The following ESR1 variants were observed in gnomAD, a reference collection of about 807,000 sequenced individuals.
ESR1 encodes estrogen receptor 1, also known as estrogen receptor.
ESR1 carries 12 observed loss-of-function variants against 52.7 expected under a neutral mutation model. That is an observed-to-expected ratio of 0.23 (90% CI 0.15 to 0.37). The LOEUF (loss-of-function observed/expected upper bound fraction) is 0.37, where lower values mean the gene tolerates loss of function less well. Among genes scored for constraint, ESR1 ranks in the 10% least tolerant of loss-of-function variants. ESR1 has a pLI of 1.00. For missense variants in ESR1, 584 were observed against 779.7 expected (o/e 0.75, Z 2.99); for synonymous variants, 305 against 316.8 (o/e 0.96, Z 0.39).
chr6:151,700,077 GAAA>G (rs71681730), intron 1 of ESR1, among the ~76,000 whole-genome samples: 1 of 126,916 alleles, frequency 7.9e-6, no homozygotes, highest in East Asian at 2.1e-4. Context: ...GAGGACAAGT[GAAA>G]AAAAAAAAAA....
At chr6:151,729,903 C>T (rs1053578111) in intron 2 of ESR1, among the ~76,000 whole-genome samples, 2 of 151,986 alleles carry the variant, frequency 1.3e-5, no homozygotes, top group African/African-American at 4.8e-5. Flanking sequence ...GCCTGGGCAA[C>T]ATAGTGAGAC....
chr6:151,713,166 C>G (rs990939848), intron 2 of ESR1, among the ~76,000 whole-genome samples: 2 of 152,074 alleles, frequency 1.3e-5, no homozygotes, highest in African/African-American at 2.4e-5. Context: ...GTTGAACCAG[C>G]CTTGCATCCC....
chr6:152,067,454 G>C (rs2048050271), intron 6 of ESR1, among the ~76,000 whole-genome samples: 1 of 152,196 alleles, frequency 6.6e-6, no homozygotes, highest in South Asian at 2.1e-4. Context: ...ACCAACAAAG[G>C]AGAATGCCAT....
Position 152,099,263 on chromosome 6 carries a change from T to G in ESR1, c.*297T>G, listed in dbSNP as rs1040382623. On this transcript the variant is annotated 3_prime_UTR_variant, in exon 8 of 8. Coordinates refer to ENST00000206249, the MANE Select transcript of ESR1 (RefSeq NM_000125.4). Reference sequence around the variant, plus strand: ...GCTCTTCACAGCTGAACTCAGTCTATGGGTTGGGGCTCAGATAACTCTGTG... The same window carrying G: ...GCTCTTCACAGCTGAACTCAGTCTAGGGGTTGGGGCTCAGATAACTCTGTG... 5.2e-5 allele frequency: 25 copies of G among 484,190 alleles called. No homozygotes were observed. Among genetic ancestry groups the G allele is most frequent in the Non-Finnish European group, 1.5e-5 (4 of 262,278 alleles). The allele number at this position is 484,190 out of a possible 1,614,324, so 30.0% of individuals were successfully genotyped here. A position where few individuals can be genotyped will look rare whatever the true frequency, so the allele number is the denominator to read the frequency against.
At chr6:151,933,764 A>G (rs1423016087) in intron 3 of ESR1, among the ~76,000 whole-genome samples, 1 of 152,274 alleles carries the variant, frequency 6.6e-6, no homozygotes, top group South Asian at 2.1e-4. Flanking sequence ...ACAATTGTTT[A>G]TCTCTTTCCT....
At chr6:151,963,780 A>G (rs1404066716) in intron 4 of ESR1, among the ~76,000 whole-genome samples, 3 of 152,172 alleles carry the variant, frequency 2.0e-5, no homozygotes, top group Non-Finnish European at 4.4e-5. Context: ...CATTTCTCCT[A>G]TGTTTTCTTC....
intron 3 of ESR1, among the ~76,000 whole-genome samples, chr6:151,908,876 A>ATTT (rs397754522): frequency 7.6e-5 from 11 of 144,740 alleles, no homozygotes; most frequent in African/African-American, 2.8e-4. Context: ...GTTTAAAGCA[A>ATTT]TTTTTTTTTT....
At chr6:151,795,348 G>A (rs1251599971) in intron 2 of ESR1, among the ~76,000 whole-genome samples, 1 of 151,998 alleles carries the variant, frequency 6.6e-6, no homozygotes, top group Admixed American at 6.6e-5. Flanking sequence ...TTAGCTGGGT[G>A]TGGTGGTGCA....
chr6:152,029,973 TG>T, intron 5 of ESR1, among the ~76,000 whole-genome samples: 1 of 152,090 alleles, frequency 6.6e-6, no homozygotes, highest in African/African-American at 2.4e-5. Flanking sequence ...CAGAAGAGAG[TG>T]GGGGCCGATA....
chr6:151,657,840 T>C (rs2115186633), intron 1 of ESR1, among the ~76,000 whole-genome samples: 1 of 152,258 alleles, frequency 6.6e-6, no homozygotes, highest in East Asian at 1.9e-4. Flanking sequence ...TGGTTATATA[T>C]TGGCATTTTC....
intron 4 of ESR1, among the ~76,000 whole-genome samples, chr6:151,957,317 T>G (rs1317773128): frequency 2.6e-5 from 4 of 152,222 alleles, no homozygotes; most frequent in Non-Finnish European, 5.9e-5. Context: ...TTGAGCCTAA[T>G]TTTTTAAGAC....
At chr6:152,078,497 G>C (rs2048927002) in intron 6 of ESR1, among the ~76,000 whole-genome samples, 1 of 152,012 alleles carries the variant, frequency 6.6e-6, no homozygotes, top group Non-Finnish European at 1.5e-5. Context: ...TCAGTCTTTT[G>C]GTTGCTTCCA....
chr6:152,047,301 C>G (rs940059789), intron 5 of ESR1, among the ~76,000 whole-genome samples: 2 of 151,972 alleles, frequency 1.3e-5, no homozygotes, highest in African/African-American at 4.8e-5. Context: ...CTGGTCAATT[C>G]TAACTGAGTG....
Position 151,764,207 on chromosome 6 carries a change from C to T in ESR1, c.-70-43636C>T, listed in dbSNP as rs140674477. 5.3e-5 allele frequency among the ~76,000 whole-genome samples: 8 copies of T among 152,240 alleles called. No homozygotes were observed. The East Asian group carries it at 1.5e-3, about 29-fold the overall frequency. On this transcript the variant is annotated intron_variant, in intron 2 of 2. Coordinates refer to the ESR1 transcript ENST00000404742. ...ACAGTCCTGGGCAAACAAATCAGTA[C>T]GGTTGGCCACCCTATCTTTGTGTGG...
rs144907935 is a variant in ESR1 at position 151,667,775 on chromosome 6, A to G, written n.73+11012A>G. Among the ~76,000 whole-genome samples, 713 of 152,334 alleles carry G rather than the reference A, an allele frequency of 4.7e-3. 5 individuals are homozygous for G. The highest frequency in any genetic ancestry group is 0.017 in the African/African-American group (690 of 41,574). On this transcript the variant is annotated intron_variant and non_coding_transcript_variant, in intron 1 of 2. Coordinates refer to the ESR1 transcript ENST00000473497. ...GCTCATAAGTCTACTATGGACATCA[A>G]AATATGCTGATGAGCCACAGCAAGT...
intron 4 of ESR1, among the ~76,000 whole-genome samples, chr6:151,966,601 C>T (rs774532536): frequency 1.1e-4 from 17 of 152,224 alleles, no homozygotes; most frequent in African/African-American, 2.4e-4. Flanking sequence ...TTCTCTTACA[C>T]GTAAGACATC....
chr6:151,904,545 T>A (rs894828811), intron 3 of ESR1, among the ~76,000 whole-genome samples: 5 of 152,190 alleles, frequency 3.3e-5, no homozygotes, highest in African/African-American at 1.2e-4. Flanking sequence ...AATATGACAG[T>A]TCCATCATGA....
At chr6:151,817,815 G>A (rs1305290439) in intron 1 of ESR1, among the ~76,000 whole-genome samples, 5 of 152,136 alleles carry the variant, frequency 3.3e-5, no homozygotes, top group Non-Finnish European at 7.4e-5. Context: ...CCCTTCATAG[G>A]GTTCTTTTTC....
chr6:151,805,873 C>T (rs1777761878), upstream of ESR1: 1 of 152,198 alleles, frequency 6.6e-6, no homozygotes, highest in Non-Finnish European at 1.5e-5. Context: ...GAGAAAGCAA[C>T]TTACCTTTCT....
Sources: allele counts gnomAD v4.1 joint callset (sites outside exome capture counted in the v4.1 genomes callset), GRCh38; gene constraint gnomAD v4.1.1; transcripts MANE v1.5; gene names NCBI Gene and HGNC (gene_info 2026-07-23, HGNC 2026-07-21).